MAPKAP1: variants seen among roughly 807,000 people sequenced by gnomAD.
MAPKAP1 encodes the protein target of rapamycin complex 2 subunit MAPKAP1.
A neutral mutation model predicts 65.7 loss-of-function variants in MAPKAP1; 20 were observed. That is an observed-to-expected ratio of 0.30 (90% CI 0.21 to 0.44). The LOEUF (loss-of-function observed/expected upper bound fraction) is 0.44, where lower values mean the gene tolerates loss of function less well. Among genes scored for constraint, MAPKAP1 ranks in the 20% least tolerant of loss-of-function variants. MAPKAP1 has a pLI of 1.00. For missense variants in MAPKAP1, 423 were observed against 648.0 expected (o/e 0.65, Z 3.77); for synonymous variants, 222 against 244.3 (o/e 0.91, Z 0.85).
intron 6 of MAPKAP1, among the ~76,000 whole-genome samples, chr9:125,545,434 T>G (rs1830395257): frequency 6.6e-6 from 1 of 152,180 alleles, no homozygotes; most frequent in Non-Finnish European, 1.5e-5. Flanking sequence ...CAGTATGCGC[T>G]CCATCTGTGA....
At chr9:125,458,654 CT>C (rs1334339295) in intron 10 of MAPKAP1, among the ~76,000 whole-genome samples, 1 of 151,030 alleles carries the variant, frequency 6.6e-6, no homozygotes, top group Non-Finnish European at 1.5e-5. Flanking sequence ...ATTTCTCAAT[CT>C]TTTCCCCACC....
chr9:125,479,130 G>A (rs1411896907), intron 9 of MAPKAP1, among the ~76,000 whole-genome samples: 4 of 152,158 alleles, frequency 2.6e-5, no homozygotes, highest in African/African-American at 4.8e-5. Context: ...GATTTCAGGC[G>A]CCAGCGCATG....
intron 7 of MAPKAP1, among the ~76,000 whole-genome samples, chr9:125,534,239 C>G (rs971771004): frequency 6.6e-6 from 1 of 152,028 alleles, no homozygotes; most frequent in South Asian, 2.1e-4. Context: ...TGTATGTGAA[C>G]TGAAGAAAAA....
chr9:125,507,219 T>G (rs1016045918), intron 7 of MAPKAP1, among the ~76,000 whole-genome samples: 2 of 152,254 alleles, frequency 1.3e-5, no homozygotes, highest in African/African-American at 4.8e-5. Context: ...ATGTATTTCT[T>G]TGTCAACCCA....
At chr9:125,646,538 T>C (rs540672584) in intron 4 of MAPKAP1, among the ~76,000 whole-genome samples, 23 of 152,216 alleles carry the variant, frequency 1.5e-4, no homozygotes, top group Non-Finnish European at 5.9e-5. Context: ...AATGGAGCTA[T>C]GGTAATAATG....
At chr9:125,553,413 G>T (rs546633439) in intron 6 of MAPKAP1, among the ~76,000 whole-genome samples, 1 of 151,918 alleles carries the variant, frequency 6.6e-6, no homozygotes, top group Non-Finnish European at 1.5e-5. Context: ...ATGGTGGCAG[G>T]TGCCTGTAAT....
intron 1 of MAPKAP1, among the ~76,000 whole-genome samples, chr9:125,695,562 T>C (rs1202284599): frequency 6.6e-6 from 1 of 152,214 alleles, no homozygotes; most frequent in South Asian, 2.1e-4. Flanking sequence ...CCTGATATTT[T>C]CCTAATTTAA....
intron 5 of MAPKAP1, among the ~76,000 whole-genome samples, chr9:125,576,377 A>G (rs1831396478): frequency 6.6e-6 from 1 of 152,228 alleles, no homozygotes; most frequent in South Asian, 2.1e-4. Context: ...GATTGGAAGG[A>G]TATGTATGGG....
intron 7 of MAPKAP1, among the ~76,000 whole-genome samples, chr9:125,518,127 T>A (rs922404541): frequency 2.6e-5 from 4 of 152,226 alleles, no homozygotes; most frequent in Non-Finnish European, 5.9e-5. Context: ...CTAAGAAATA[T>A]TAGCCCAAGT....
chr9:125,536,580 C>CCATTTATT (rs1554818628), intron 7 of MAPKAP1, among the ~76,000 whole-genome samples: 1 of 46,656 alleles, frequency 2.1e-5, no homozygotes, highest in Non-Finnish European at 5.5e-5. Context: ...GTTCTATTTT[C>CCATTTATT]CATTTATTCA....
intron 1 of MAPKAP1, among the ~76,000 whole-genome samples, chr9:125,698,287 AAATATATATATATATATATAT>A (rs1477764719): frequency 1.8e-4 from 5 of 27,092 alleles, no homozygotes; most frequent in African/African-American, 7.7e-4. Flanking sequence ...TAATATATAT[AAATATATATATATATATATAT>A]ATATATATAT....
intron 7 of MAPKAP1, 49 bp downstream of exon 7, chr9:125,543,010 A>G (rs1219089621): frequency 1.6e-6 from 2 of 1,263,246 alleles, no homozygotes; most frequent in East Asian, 2.3e-5. Context: ...TGCCCTTTTA[A>G]TAAGGGTTAA....
intron 1 of MAPKAP1, among the ~76,000 whole-genome samples, chr9:125,680,975 C>G (rs1189484774): frequency 1.3e-5 from 2 of 152,194 alleles, no homozygotes; most frequent in Non-Finnish European, 2.9e-5. Context: ...ATTTACTGAG[C>G]TCTTACCATG....
intron 7 of MAPKAP1, among the ~76,000 whole-genome samples, chr9:125,528,850 A>C (rs1829851300): frequency 8.4e-6 from 1 of 118,982 alleles, no homozygotes; most frequent in South Asian, 2.6e-4. Flanking sequence ...TCCGTCTCAA[A>C]AAAAAAAAAA....
intron 3 of MAPKAP1, among the ~76,000 whole-genome samples, chr9:125,668,571 A>C (rs1188126557): frequency 6.6e-6 from 1 of 152,224 alleles, no homozygotes; most frequent in East Asian, 1.9e-4. Context: ...GAGAAGAAAA[A>C]GAGAAAGTCT....
intron 9 of MAPKAP1, among the ~76,000 whole-genome samples, chr9:125,476,145 T>C (rs533084165): frequency 5.9e-5 from 9 of 152,294 alleles, no homozygotes; most frequent in African/African-American, 2.2e-4. Flanking sequence ...GCCCACAGTG[T>C]TTCCAATATT....
Position 125,693,432 on chromosome 9 carries a change from T to A in MAPKAP1, c.-70+13539A>T, listed in dbSNP as rs1482034062. Among the ~76,000 whole-genome samples the A allele has an allele frequency of 4.5e-3, 665 of 146,898 alleles. 3 individuals carry two copies. Among genetic ancestry groups the A allele is most frequent in the African/African-American group, 0.014 (551 of 39,124 alleles). On this transcript the variant is annotated intron_variant, in intron 1 of 11. Transcript: ENST00000265960. ...TCCGCCTCAAAAAAAAAAAAATATA[T>A]ATATATATATACACACACACACACA... is the stretch of plus-strand genomic sequence containing the variant.
chr9:125,662,231 A>G (rs1164976222), intron 3 of MAPKAP1, among the ~76,000 whole-genome samples: 2 of 152,022 alleles, frequency 1.3e-5, no homozygotes, highest in Admixed American at 1.3e-4. Flanking sequence ...AAAATGCAAA[A>G]ATTAGCCAGG....
chr9:125,697,799 T>C (rs1469232316), intron 1 of MAPKAP1, among the ~76,000 whole-genome samples: 1 of 152,162 alleles, frequency 6.6e-6, no homozygotes, highest in African/African-American at 2.4e-5. Flanking sequence ...CTCATTTACA[T>C]TCCCACTATC....
Sources: gnomAD v4.1 joint callset for allele counts (sites outside exome capture counted in the v4.1 genomes callset) on GRCh38, gnomAD v4.1.1 for gene constraint, MANE v1.5 for transcripts, NCBI Gene and HGNC (gene_info 2026-07-23, HGNC 2026-07-21) for gene names.